The following ARHGAP42 variants were observed in gnomAD, a reference collection of about 807,000 sequenced individuals.
The protein encoded by ARHGAP42 is Rho GTPase activating protein 42, also known as rho GTPase-activating protein 42.
Under a neutral mutation model 125.0 loss-of-function variants are expected in ARHGAP42, and 63 were observed. The ratio of observed to expected loss-of-function variants is 0.50; its 90% CI spans 0.41 to 0.62. The LOEUF is 0.62. Ranked by LOEUF, ARHGAP42 falls within the 20% of genes least tolerant of loss-of-function variation. ARHGAP42 has a pLI of 0.00. For missense variants in ARHGAP42, 766 were observed against 1,024.2 expected (o/e 0.75, Z 3.44); for synonymous variants, 339 against 351.0 (o/e 0.97, Z 0.38).
intron 3 of ARHGAP42, among the ~76,000 whole-genome samples, chr11:100,798,665 T>C (rs1863780253): frequency 6.6e-6 from 1 of 152,320 alleles, no homozygotes; most frequent in Admixed American, 6.5e-5. Context: ...TTTACACATA[T>C]TCATATATTG....
At chr11:100,945,742 T>C (rs1867998413) in intron 10 of ARHGAP42, among the ~76,000 whole-genome samples, 1 of 152,098 alleles carries the variant, frequency 6.6e-6, no homozygotes, top group Non-Finnish European at 1.5e-5. Context: ...TGTAAACAGA[T>C]GTGCTGTCAT....
rs554298137 is a variant in ARHGAP42 at position 100,880,420 on chromosome 11, G to A, written c.384+20795G>A. Among the ~76,000 whole-genome samples, 6 of 152,184 alleles carry A rather than the reference G, an allele frequency of 3.9e-5. No individual in the cohort carries two copies. The East Asian group carries it at 7.7e-4, about 20-fold the overall frequency. On this transcript the variant is annotated intron_variant, in intron 4 of 23. Transcript: ENST00000298815. Reference sequence around the variant, plus strand: ...TCTCCAGTCTCATTCAGGTTGCTGCGAATGCTATTCATTCCTTTTTATGGC... The same window carrying A: ...TCTCCAGTCTCATTCAGGTTGCTGCAAATGCTATTCATTCCTTTTTATGGC...
At chr11:100,933,077 T>C (rs1053919089) in intron 6 of ARHGAP42, 79 bp from the exon 7 acceptor site, 1 of 959,016 alleles carries the variant, frequency 1.0e-6, no homozygotes, top group Non-Finnish European at 1.5e-6. Flanking sequence ...TAATGAAATA[T>C]AATTTTCTCC....
intron 1 of ARHGAP42, among the ~76,000 whole-genome samples, chr11:100,716,987 G>A (rs1174299588): frequency 6.6e-6 from 1 of 152,178 alleles, no homozygotes; most frequent in African/African-American, 2.4e-5. Context: ...AGTATTCATA[G>A]GGGATTTCAA....
intron 1 of ARHGAP42, among the ~76,000 whole-genome samples, chr11:100,710,751 G>A (rs1861552408): frequency 6.6e-6 from 1 of 152,000 alleles, no homozygotes. Flanking sequence ...ATGTTGGCCA[G>A]GATGGTCTTG....
intron 22 of ARHGAP42, among the ~76,000 whole-genome samples, chr11:100,985,406 A>C (rs1397741414): frequency 6.6e-6 from 1 of 152,174 alleles, no homozygotes; most frequent in Non-Finnish European, 1.5e-5. Context: ...TGAAGTCCTC[A>C]GTAATATCCT....
intron 3 of ARHGAP42, among the ~76,000 whole-genome samples, chr11:100,844,767 A>G (rs1004252782): frequency 2.0e-5 from 3 of 152,160 alleles, no homozygotes; most frequent in Non-Finnish European, 4.4e-5. Context: ...AAGAATGGCC[A>G]TAATCAAAAA....
intron 1 of ARHGAP42, among the ~76,000 whole-genome samples, chr11:100,704,838 G>C (rs952044948): frequency 7.8e-6 from 1 of 128,944 alleles, no homozygotes; most frequent in African/African-American, 3.0e-5. Context: ...TAAACCAGGT[G>C]TGGTGGCATG....
intron 4 of ARHGAP42, among the ~76,000 whole-genome samples, chr11:100,861,121 CT>C (rs1159646524): frequency 3.9e-5 from 6 of 152,094 alleles, no homozygotes; most frequent in Non-Finnish European, 7.3e-5. Flanking sequence ...CAACAAATGT[CT>C]TCTGCAAGAA....
chr11:100,834,572 T>C (rs1864736233), intron 3 of ARHGAP42, among the ~76,000 whole-genome samples: 1 of 152,112 alleles, frequency 6.6e-6, no homozygotes, highest in Non-Finnish European at 1.5e-5. Flanking sequence ...TCGAGAGACA[T>C]AGTAGGACTT....
At chr11:100,897,309 A>T (rs584029) in intron 4 of ARHGAP42, among the ~76,000 whole-genome samples, 135,108 of 152,210 alleles carry the variant, frequency 0.89, 60,044 homozygotes, top group East Asian at 1. Flanking sequence ...CTTAGGATTG[A>T]CTTGGCAATG....
intron 3 of ARHGAP42, 90 bp downstream of exon 3, chr11:100,795,256 C>A: frequency 1.1e-6 from 1 of 921,282 alleles, no homozygotes; most frequent in Non-Finnish European, 1.6e-6. Flanking sequence ...GAACTTTATA[C>A]AAGGCCTTAT....
chr11:100,859,438 A>G (rs1203626074), intron 3 of ARHGAP42, 116 bp from the exon 4 acceptor site: 4 of 779,912 alleles, frequency 5.1e-6, no homozygotes, highest in Non-Finnish European at 8.1e-6. Flanking sequence ...TTGTTTTTAT[A>G]GATGCAAACA....
At chr11:100,755,195 G>A (rs536312753) in intron 1 of ARHGAP42, among the ~76,000 whole-genome samples, 39 of 152,318 alleles carry the variant, frequency 2.6e-4, no homozygotes, top group African/African-American at 9.1e-4. Flanking sequence ...GTGCATGCAC[G>A]CACATATGTG....
At chr11:100,717,223 G>A (rs1039090520) in intron 1 of ARHGAP42, among the ~76,000 whole-genome samples, 5 of 152,118 alleles carry the variant, frequency 3.3e-5, no homozygotes, top group East Asian at 1.9e-4. Flanking sequence ...GTTCTCTCAC[G>A]TAGGATATTA....
chr11:100,859,435 T>C (rs1344378123), intron 3 of ARHGAP42, 119 bp from the exon 4 acceptor site: 10 of 772,544 alleles, frequency 1.3e-5, no homozygotes, highest in Non-Finnish European at 2.1e-5. Context: ...AAGTTGTTTT[T>C]ATAGATGCAA....
intron 4 of ARHGAP42, among the ~76,000 whole-genome samples, chr11:100,903,710 ATATATATAT>A (rs1246439529): frequency 0.089 from 5,002 of 56,372 alleles, 354 homozygotes; most frequent in South Asian, 0.17. Context: ...GTCCCTCAAA[ATATATATAT>A]ATATATATAT....
At position 100,988,801 on chromosome 11, in the gene ARHGAP42, A is replaced by C. The variant is rs1368223019; in HGVS notation, c.2625A>C (p.Ter875TyrextTer23). The change falls in exon 24 of 24, where the codon TAA (stop) becomes TAC (tyrosine). Residue 875 changes from the stop codon to tyrosine (Y), a stop_lost. Coordinates refer to ENST00000298815, the MANE Select transcript of ARHGAP42 (RefSeq NM_152432.4). ...CAGAAAATTATGTTGTCTTCCTCTA[A>C]TACTATTTAGTGGATGGCAGTATCT... is the stretch of plus-strand genomic sequence containing the variant. ...LVPENYVVFL[*>Y] 6.5e-7 allele frequency: 1 copy of C among 1,546,184 alleles called. No homozygotes were observed. Among genetic ancestry groups the C allele is most frequent in the African/African-American group, 1.4e-5 (1 of 72,924 alleles).
At position 100,989,706 on chromosome 11, in the gene ARHGAP42, C is replaced by G. The variant is rs188346523; in HGVS notation, c.*905C>G. 1.3e-5 allele frequency: 2 copies of G among 152,308 alleles called. No individual in the cohort carries two copies. The highest frequency in any genetic ancestry group is 3.4e-3 in the Middle Eastern group (1 of 294). 9.4% of individuals were successfully genotyped at this position (152,308 alleles called of 1,614,324 possible). A position where few individuals can be genotyped will look rare whatever the true frequency, so the allele number is the denominator to read the frequency against. On this transcript the variant is annotated 3_prime_UTR_variant, in exon 24 of 24. Transcript: ENST00000298815. ...CAATGATGGGGAAACTGTAAAACTA[C>G]AGTATCAAGGCATACAACTTAAATT... is the stretch of plus-strand genomic sequence containing the variant.
Sources: gnomAD v4.1 joint callset for allele counts (sites outside exome capture counted in the v4.1 genomes callset) on GRCh38, gnomAD v4.1.1 for gene constraint, MANE v1.5 for transcripts, NCBI Gene and HGNC (gene_info 2026-07-23, HGNC 2026-07-21) for gene names.